The following USP9Y variants were observed in gnomAD, a reference collection of about 807,000 sequenced individuals.
USP9Y encodes ubiquitin carboxyl-terminal hydrolase 9Y.
A neutral mutation model predicts 53.1 loss-of-function variants in USP9Y; 41 were observed. That is an observed-to-expected ratio of 0.77 (90% confidence interval 0.60 to 1.00). The LOEUF is 1.00. USP9Y is among the 50% of genes least tolerant of loss of function. USP9Y has a pLI of 0.00. For synonymous variants in USP9Y, 220 were observed against 173.7 expected (o/e 1.27, Z -2.09); for missense variants, 567 against 535.8 (o/e 1.06, Z -0.58).
intron 33 of USP9Y, among the ~76,000 whole-genome samples, chrY:12,822,319 G>A: frequency 3.1e-5 from 1 of 31,965 alleles, no homozygotes; most frequent in African/African-American, 1.2e-4. Flanking sequence ...TCCCATCTGT[G>A]GATTATCCTC....
At chrY:12,856,186 A>G in intron 42 of USP9Y, among the ~76,000 whole-genome samples, 154 bp from the exon 43 acceptor site, 1 of 32,858 alleles carries the variant, frequency 3.0e-5, no homozygotes, top group Non-Finnish European at 7.5e-5. Flanking sequence ...AAATGTTCCT[A>G]ATTTTAATTT....
chrY:12,775,968 G>C, intron 18 of USP9Y, among the ~76,000 whole-genome samples: 1 of 30,727 alleles, frequency 3.3e-5, no homozygotes, highest in Admixed American at 3.0e-4. Context: ...TCTGATTATA[G>C]GCGCACACCA....
intron 7 of USP9Y, among the ~76,000 whole-genome samples, chrY:12,734,721 T>C (rs2053449901): frequency 3.0e-5 from 1 of 33,613 alleles, no homozygotes; most frequent in Admixed American, 2.7e-4. Context: ...TTTCACATTT[T>C]CCACATGTCC....
At position 12,773,841 on chromosome Y, in the gene USP9Y, T is replaced by C; in HGVS notation, c.2247T>C (p.Asn749=). Residue 749 remains asparagine (N), a synonymous_variant, in exon 17 of 46, where the codon AAT becomes AAC. Coordinates refer to ENST00000338981, the MANE Select transcript of USP9Y (RefSeq NM_004654.4). ...TTGAAAGATTTTTCAAAGCTGTCAA[T>C]TGTCGAGAAAGGAAACTAATAGCAA... ...KCFERFFKAV[N]CRERKLIAKR... 1.3e-5 allele frequency: 5 copies of C among 398,289 alleles called. No homozygotes were observed. Among genetic ancestry groups the C allele is most frequent in the Non-Finnish European group, 1.4e-5 (4 of 283,307 alleles).
intron 15 of USP9Y, among the ~76,000 whole-genome samples, chrY:12,764,681 T>C (rs2053478848): frequency 3.0e-5 from 1 of 33,413 alleles, no homozygotes; most frequent in East Asian, 7.7e-4. Context: ...ACAGAAAAGA[T>C]AAAAGGAAAC....
intron 29 of USP9Y, 116 bp downstream of exon 29, chrY:12,810,934 A>G: frequency 5.5e-6 from 1 of 180,885 alleles, no homozygotes; most frequent in Admixed American, 1.2e-4. Flanking sequence ...AGGAGAATAA[A>G]TTCTCAAAAT....
intron 26 of USP9Y, among the ~76,000 whole-genome samples, chrY:12,792,076 C>T: frequency 8.9e-5 from 3 of 33,797 alleles, no homozygotes; most frequent in African/African-American, 3.5e-4. Context: ...TCAAAACCAG[C>T]CTGGTCAACA....
At chrY:12,776,622 T>C in intron 18 of USP9Y, 27 bp from the exon 19 acceptor site, 1 of 314,559 alleles carries the variant, frequency 3.2e-6, no homozygotes, top group South Asian at 3.2e-5. Context: ...ACAACCTGGA[T>C]TATCTGTATT....
chrY:12,750,434 A>G, intron 12 of USP9Y, among the ~76,000 whole-genome samples: 1 of 33,532 alleles, frequency 3.0e-5, no homozygotes, highest in Non-Finnish European at 7.4e-5. Context: ...CTTCTAGTAC[A>G]ATGTTAAAAG....
intron 7 of USP9Y, among the ~76,000 whole-genome samples, chrY:12,727,841 T>C (rs2148280879): frequency 3.0e-5 from 1 of 33,600 alleles, no homozygotes; most frequent in South Asian, 6.6e-4. Context: ...TGGTTCACAT[T>C]GGATAAATCC....
chrY:12,718,188 A>G, intron 3 of USP9Y, among the ~76,000 whole-genome samples: 2 of 34,025 alleles, frequency 5.9e-5, no homozygotes, highest in Admixed American at 2.7e-4. Flanking sequence ...CCTGCTGCCC[A>G]TATCCACTGT....
rs1302721473 is a variant in USP9Y, at chrY:12,859,327, T to C, written c.7579T>C (p.Leu2527=). Residue 2527 remains leucine, a synonymous_variant, in exon 46 of 46, where the codon TTG becomes CTG. Coordinates refer to ENST00000338981, the MANE Select transcript of USP9Y (RefSeq NM_004654.4). ...QPYTGPAAHH[L]NNPQKTGQRT... is the part of the protein sequence containing the mutation. ...ATATACAGGACCAGCAGCACATCAC[T>C]TGAACAACCCTCAGAAAACAGGCCA... The C allele has an allele frequency of 2.5e-6, 1 of 398,283 alleles. No homozygotes were observed. The highest frequency in any genetic ancestry group is 7.4e-5 in the Admixed American group (1 of 13,434).
intron 42 of USP9Y, among the ~76,000 whole-genome samples, chrY:12,850,345 A>G: frequency 3.2e-5 from 1 of 31,613 alleles, no homozygotes; most frequent in Admixed American, 2.9e-4. Flanking sequence ...TGTCTTCTTT[A>G]TTAGTCTTGC....
At chrY:12,852,456 G>A (rs2053572089) in intron 42 of USP9Y, among the ~76,000 whole-genome samples, 1 of 32,910 alleles carries the variant, frequency 3.0e-5, no homozygotes, top group Admixed American at 2.8e-4. Context: ...CGATGGTTTC[G>A]AACATGCTCC....
intron 31 of USP9Y, among the ~76,000 whole-genome samples, chrY:12,814,822 A>G: frequency 3.0e-5 from 1 of 33,605 alleles, no homozygotes; most frequent in Non-Finnish European, 7.3e-5. Context: ...TTTTAGCTAC[A>G]TAACTTGCAG....
intron 12 of USP9Y, among the ~76,000 whole-genome samples, chrY:12,741,128 G>A (rs2053456796): frequency 6.3e-5 from 2 of 31,869 alleles, no homozygotes; most frequent in African/African-American, 2.5e-4. Context: ...CTTGGACCTC[G>A]GGGGCAGAGG....
intron 27 of USP9Y, among the ~76,000 whole-genome samples, chrY:12,797,729 G>C: frequency 3.0e-5 from 1 of 33,683 alleles, no homozygotes; most frequent in Non-Finnish European, 7.4e-5. Context: ...TTGCAGAGCT[G>C]TTTCAAGATA....
intron 6 of USP9Y, 33 bp downstream of exon 6, chrY:12,725,258 T>A: frequency 6.4e-6 from 2 of 314,071 alleles, no homozygotes; most frequent in South Asian, 6.3e-5. Context: ...GGGACTCAGA[T>A]TTACATGGTG....
rs2053582842 is a variant in USP9Y at position 12,860,244 on chromosome Y, T to C, written c.*828T>C. On this transcript the variant is annotated 3_prime_UTR_variant, in exon 46 of 46. Transcript: ENST00000338981. Reference sequence around the variant, plus strand: ...TGTTTGATAGTTCAATTTCTTGAGCTGAAGAATATCAAAGTATCGATAATA... The same window carrying C: ...TGTTTGATAGTTCAATTTCTTGAGCCGAAGAATATCAAAGTATCGATAATA... 3.0e-5 allele frequency: 1 copy of C among 33,779 alleles called. No homozygotes were observed. The highest frequency in any genetic ancestry group is 7.4e-5 in the Non-Finnish European group (1 of 13,594). 8.4% of individuals were successfully genotyped at this position (33,779 alleles called of 400,897 possible). A position where few individuals can be genotyped will look rare whatever the true frequency, so the allele number is the denominator to read the frequency against.
Sources: allele counts gnomAD v4.1 joint callset (sites outside exome capture counted in the v4.1 genomes callset), GRCh38; gene constraint gnomAD v4.1.1; transcripts MANE v1.5; gene names NCBI Gene and HGNC (gene_info 2026-07-23, HGNC 2026-07-21).